TRIQK: variants seen among roughly 807,000 people sequenced by gnomAD.
TRIQK encodes triple QxxK/R motif containing, also known as triple QxxK/R motif-containing protein.
In TRIQK, 10 loss-of-function variants were observed where a neutral mutation model predicts 10.8. The ratio of observed to expected loss-of-function variants is 0.92; its 90% CI spans 0.57 to 1.57. The LOEUF (loss-of-function observed/expected upper bound fraction) is 1.57, where lower values mean the gene tolerates loss of function less well. Ranked by LOEUF, TRIQK falls within the 40% of genes most tolerant of loss-of-function variation. TRIQK has a pLI of 0.00. For synonymous variants in TRIQK, 33 were observed against 33.7 expected, an observed-to-expected ratio of 0.98 and a Z score of 0.07; for missense variants, 107 against 97.7, an observed-to-expected ratio of 1.09 and a Z score of -0.40.
intron 1 of TRIQK, among the ~76,000 whole-genome samples, chr8:92,985,675 C>T (rs1021889017): frequency 3.3e-5 from 5 of 152,142 alleles, no homozygotes; most frequent in Non-Finnish European, 7.4e-5. Context: ...CTCTGGTAAA[C>T]TTGACTGAAG....
At chr8:92,934,194 C>G (rs1228236308) in intron 2 of TRIQK, among the ~76,000 whole-genome samples, 1 of 151,944 alleles carries the variant, frequency 6.6e-6, no homozygotes, top group East Asian at 1.9e-4. Flanking sequence ...ATGTACCAGA[C>G]AAGAAGGCAT....
chr8:92,892,058 T>C lies in TRIQK; in HGVS notation c.78A>G (p.Lys26=). The change falls in exon 4 of 5, where the codon AAA becomes AAG. Residue 26 remains lysine, a synonymous_variant. Transcript: ENST00000521988. ...YRKQIGKQDY[K]KTKPILRATK... is the part of the protein sequence containing the mutation. Reference sequence around the variant, plus strand: ...TTGCTCGTAAAATAGGTTTAGTTTTTTTATAATCCTGTTTACCTAGAAAGA... The same window carrying C: ...TTGCTCGTAAAATAGGTTTAGTTTTCTTATAATCCTGTTTACCTAGAAAGA... 2 of 1,530,110 alleles carry C rather than the reference T, an allele frequency of 1.3e-6. No individual in the cohort carries two copies. The highest frequency in any genetic ancestry group is 1.8e-6 in the Non-Finnish European group (2 of 1,141,418). The allele number at this position is 1,530,110 out of a possible 1,614,324, so 94.8% of individuals were successfully genotyped here.
intron 2 of TRIQK, chr8:92,921,336 A>G (rs1210368156): frequency 6.6e-6 from 1 of 151,752 alleles, no homozygotes; most frequent in East Asian, 1.9e-4. Context: ...AAGATAAATT[A>G]TTAAAAAAAC....
chr8:93,001,622 C>G (rs59794799), intron 1 of TRIQK, among the ~76,000 whole-genome samples: 35,757 of 151,986 alleles, frequency 0.24, 5,247 homozygotes, highest in African/African-American at 0.42. Context: ...AACATCAGAG[C>G]TCCTGAATAT....
chr8:92,992,872 G>C (rs1813111917), intron 1 of TRIQK, among the ~76,000 whole-genome samples: 1 of 152,170 alleles, frequency 6.6e-6, no homozygotes, highest in Non-Finnish European at 1.5e-5. Flanking sequence ...GCACTGAAAT[G>C]GTGACACCAA....
intron 1 of TRIQK, among the ~76,000 whole-genome samples, chr8:93,015,012 C>T (rs1167513759): frequency 6.6e-6 from 1 of 151,930 alleles, no homozygotes; most frequent in South Asian, 2.1e-4. Context: ...GAAGAGTGAG[C>T]TATTTTATTC....
At chr8:92,962,382 A>C (rs1812505554) in intron 1 of TRIQK, among the ~76,000 whole-genome samples, 1 of 152,204 alleles carries the variant, frequency 6.6e-6, no homozygotes, top group East Asian at 1.9e-4. Flanking sequence ...GCGTTTCTAC[A>C]TAGAAGAATG....
intron 1 of TRIQK, chr8:92,974,663 CTCA>C (rs1812912079): frequency 6.6e-6 from 1 of 152,304 alleles, no homozygotes; most frequent in African/African-American, 2.4e-5. Flanking sequence ...ATCCAGCAAT[CTCA>C]TCAATTGCAG....
chr8:92,902,543 ACCGGTTCAC>A (rs1809003162), intron 3 of TRIQK, among the ~76,000 whole-genome samples: 1 of 152,168 alleles, frequency 6.6e-6, no homozygotes, highest in African/African-American at 2.4e-5. Flanking sequence ...AAAGCCAGGT[ACCGGTTCAC>A]CTGTTTTTTG....
intron 1 of TRIQK, among the ~76,000 whole-genome samples, chr8:92,996,559 C>T (rs1813155123): frequency 6.6e-6 from 1 of 151,952 alleles, no homozygotes. Flanking sequence ...AAGGAAGTGA[C>T]ATGAACTCAG....
intron 3 of TRIQK, among the ~76,000 whole-genome samples, chr8:92,907,001 T>G (rs1809304189): frequency 6.6e-6 from 1 of 152,198 alleles, no homozygotes; most frequent in Non-Finnish European, 1.5e-5. Context: ...TAGATCATTT[T>G]CAGAATTATT....
intron 4 of TRIQK, among the ~76,000 whole-genome samples, chr8:92,888,662 C>T (rs1035668851): frequency 1.3e-5 from 2 of 151,384 alleles, no homozygotes; most frequent in African/African-American, 4.8e-5. Context: ...ACTCCCTTGC[C>T]CCCTTTGGCT....
At chr8:92,886,971 C>A in intron 4 of TRIQK, 3 of 272,202 alleles carry the variant, frequency 1.1e-5, no homozygotes, top group Non-Finnish European at 1.4e-5. Flanking sequence ...TTATTTCTAG[C>A]TAATTTGTTT....
intron 3 of TRIQK, among the ~76,000 whole-genome samples, chr8:92,909,394 G>A (rs2130404028): frequency 6.6e-6 from 1 of 151,850 alleles, no homozygotes; most frequent in Admixed American, 6.5e-5. Context: ...ACCTACAAAG[G>A]TAAACTACGC....
intron 1 of TRIQK, among the ~76,000 whole-genome samples, chr8:92,958,545 G>A (rs1349395780): frequency 1.3e-5 from 2 of 151,850 alleles, no homozygotes; most frequent in East Asian, 3.8e-4. Context: ...ATATTTACAT[G>A]AATTTTGTTT....
At chr8:92,955,510 A>G (rs983887949) in intron 1 of TRIQK, among the ~76,000 whole-genome samples, 2 of 151,808 alleles carry the variant, frequency 1.3e-5, no homozygotes, top group Admixed American at 1.3e-4. Flanking sequence ...TATTACTTTG[A>G]GTTTGAAAAT....
chr8:92,900,809 G>A (rs138552217), intron 3 of TRIQK, among the ~76,000 whole-genome samples: 31 of 152,066 alleles, frequency 2.0e-4, no homozygotes, highest in African/African-American at 7.2e-4. Context: ...AGATTGCATT[G>A]AATTTATAGT....
At chr8:92,926,037 G>T (rs577411180) in intron 2 of TRIQK, among the ~76,000 whole-genome samples, 1 of 151,730 alleles carries the variant, frequency 6.6e-6, no homozygotes, top group Non-Finnish European at 1.5e-5. Context: ...CCAAGATCGC[G>T]CCACTGCACT....
intron 1 of TRIQK, among the ~76,000 whole-genome samples, chr8:92,971,442 A>G (rs1812876846): frequency 6.6e-6 from 1 of 152,152 alleles, no homozygotes; most frequent in Admixed American, 6.5e-5. Flanking sequence ...ACAACATCAG[A>G]AAAGTCTCAG....
Sources: gnomAD v4.1 joint callset for allele counts (sites outside exome capture counted in the v4.1 genomes callset) on GRCh38, gnomAD v4.1.1 for gene constraint, MANE v1.5 for transcripts, NCBI Gene and HGNC (gene_info 2026-07-23, HGNC 2026-07-21) for gene names.